The following RNF17 variants were observed in gnomAD, a reference collection of about 807,000 sequenced individuals.
RNF17 encodes the protein ring finger protein 17.
RNF17 carries 31 observed loss-of-function variants against 200.5 expected under a neutral mutation model. That is an observed-to-expected ratio of 0.15 (90% confidence interval 0.12 to 0.21). The LOEUF (loss-of-function observed/expected upper bound fraction) is 0.21, where lower values mean the gene tolerates loss of function less well. RNF17 is among the 10% of genes least tolerant of loss of function. The probability of loss-of-function intolerance (pLI) is 1.00; values close to 1 mark genes in which losing one functional copy is unlikely to be tolerated. For missense variants in RNF17, 1,628 were observed against 1,905.1 expected, an observed-to-expected ratio of 0.85 and a Z score of 2.71; for synonymous variants, 606 against 637.8, an observed-to-expected ratio of 0.95 and a Z score of 0.75.
chr13:24,866,255 AG>A (rs1893614704), intron 30 of RNF17, 52 bp downstream of exon 30: 5 of 942,144 alleles, frequency 5.3e-6, no homozygotes, highest in Non-Finnish European at 6.8e-6. Flanking sequence ...ATTAATAAAA[AG>A]GATCTGATAC....
At chr13:24,821,807 G>T (rs1206312149) in intron 15 of RNF17, among the ~76,000 whole-genome samples, 1 of 151,928 alleles carries the variant, frequency 6.6e-6, no homozygotes, top group East Asian at 1.9e-4. Flanking sequence ...GAGTATTTTT[G>T]ATTTGCATTT....
intron 30 of RNF17, 87 bp downstream of exon 30, chr13:24,866,290 A>C: frequency 2.8e-6 from 2 of 716,142 alleles, no homozygotes; most frequent in Non-Finnish European, 4.8e-6. Context: ...CTCTTTTATA[A>C]CAGTTTTATT....
At chr13:24,874,710 C>T (rs1894673820) in intron 33 of RNF17, among the ~76,000 whole-genome samples, 2 of 152,134 alleles carry the variant, frequency 1.3e-5, no homozygotes, top group South Asian at 4.2e-4. Flanking sequence ...CCACACCTGG[C>T]CCATTTTAGT....
chr13:24,764,515 A>C (rs953356187), intron 1 of RNF17, 182 bp downstream of exon 1: 16 of 462,382 alleles, frequency 3.5e-5, no homozygotes, highest in Admixed American at 6.4e-5. Context: ...TGGGTTGGTT[A>C]AGGGCAGCAC....
intron 27 of RNF17, among the ~76,000 whole-genome samples, chr13:24,862,241 A>G (rs112009038): frequency 0.012 from 1,845 of 152,264 alleles, 51 homozygotes; most frequent in African/African-American, 0.042. Flanking sequence ...TAGTCACCTG[A>G]AGGATCAACT....
the RNF17 span, among the ~76,000 whole-genome samples, chr13:24,753,821 T>A: frequency 6.6e-6 from 1 of 152,060 alleles, no homozygotes; most frequent in South Asian, 2.1e-4. Flanking sequence ...TACAGTGGAG[T>A]ACAGATTCTT....
chr13:24,871,074 G>T (rs1188351662), intron 32 of RNF17, among the ~76,000 whole-genome samples: 1 of 152,176 alleles, frequency 6.6e-6, no homozygotes, highest in East Asian at 1.9e-4. Flanking sequence ...GACCTTAATG[G>T]TCATCATTTA....
chr13:24,781,890 T>G lies in RNF17; in HGVS notation c.557T>G (p.Val186Gly). The change falls in exon 6 of 36, where the codon GTT (valine) becomes GGT (glycine). Residue 186 changes from valine to glycine, a missense_variant. By Grantham distance (109) the Val-to-Gly change is moderately radical. Around this residue, in one of 5 missense-constraint regions of RNF17, gnomAD observed 502 missense variants for 501.7 expected, o/e 1.00. Transcript: ENST00000255324. The part of the protein sequence containing the change: ...QKQTIEERER[V>G]IEVVEKQFDQ... Reference sequence around the variant, plus strand: ...CAAACGATAGAGGAAAGAGAAAGAGTTATAGAAGTTGTGGAGAAACAGTTT... The same window carrying G: ...CAAACGATAGAGGAAAGAGAAAGAGGTATAGAAGTTGTGGAGAAACAGTTT... 6.2e-7 allele frequency: 1 copy of G among 1,613,042 alleles called. No homozygotes were observed. The highest frequency in any genetic ancestry group is 8.5e-7 in the Non-Finnish European group (1 of 1,179,746).
intron 24 of RNF17, 94 bp from the exon 25 acceptor site, chr13:24,853,755 CTTTCAA>C (rs1237169394): frequency 1.2e-6 from 1 of 831,636 alleles, no homozygotes; most frequent in East Asian, 2.9e-5. Context: ...CAAATATTTT[CTTTCAA>C]TTTCATGTAT....
the RNF17 span, among the ~76,000 whole-genome samples, chr13:24,750,011 C>T: frequency 7.6e-4 from 116 of 152,244 alleles, no homozygotes; most frequent in African/African-American, 2.5e-3. Flanking sequence ...CTTGGCCTCC[C>T]GAAGTGCTGG....
chr13:24,852,183 G>C (rs545595096), intron 24 of RNF17, among the ~76,000 whole-genome samples: 77 of 148,618 alleles, frequency 5.2e-4, no homozygotes, highest in Non-Finnish European at 9.6e-4. Context: ...CTGTCACCCA[G>C]GCTGGAGTGC....
rs1332113877 is a variant in RNF17, at chr13:24,831,903, A to G, written c.2407A>G (p.Met803Val). 1 of 1,610,776 alleles carries G rather than the reference A, an allele frequency of 6.2e-7. No homozygotes were observed. The highest frequency in any genetic ancestry group is 1.7e-5 in the Admixed American group (1 of 59,580). Residue 803 changes from methionine to valine, a missense_variant, in exon 18 of 36, where the codon ATG becomes GTG. Physicochemically the swap from Met to Val is conservative, Grantham distance 21. This residue lies in a region of RNF17 where 227 missense variants were observed against 319.8 expected (regional missense o/e 0.71). Transcript: ENST00000255324. The stretch of plus-strand genomic sequence containing the variant: ...CTATATTGAACCATATAAAAGGACA[A>G]TGCAGTGGTCCAAAGAAGCTAAAGA... ...LAYIEPYKRT[M>V]QWSKEAKEKF...
At chr13:24,871,253 T>C (rs1894218290) in intron 32 of RNF17, among the ~76,000 whole-genome samples, 1 of 152,244 alleles carries the variant, frequency 6.6e-6, no homozygotes, top group Admixed American at 6.5e-5. Context: ...TATTGCGGTA[T>C]GTAATGCATA....
intron 15 of RNF17, among the ~76,000 whole-genome samples, chr13:24,825,003 A>G (rs1429650680): frequency 1.3e-5 from 2 of 152,198 alleles, no homozygotes; most frequent in Non-Finnish European, 2.9e-5. Context: ...AATTCAGCAG[A>G]TAGACCTTAC....
At chr13:24,779,593 C>A (rs565373635) in intron 4 of RNF17, 74 bp from the exon 5 acceptor site, 3 of 1,179,980 alleles carry the variant, frequency 2.5e-6, no homozygotes, top group East Asian at 2.4e-5. Context: ...GAATTTTTTG[C>A]AACTATAATA....
chr13:24,799,560 A>G lies in RNF17; in HGVS notation c.1565A>G (p.Asn522Ser). The G allele has an allele frequency of 1.9e-6, 3 of 1,607,140 alleles. No individual in the cohort carries two copies. Among genetic ancestry groups the G allele is most frequent in the Non-Finnish European group, 2.6e-6 (3 of 1,175,202 alleles). ...CAAATATTCATGGTAGATTTTGGAA[A>G]TTCTGAAGTCCTGATTGTCACTGGG... ...LIQIFMVDFG[N>S]SEVLIVTGVV... The change falls in exon 12 of 36, where the codon AAT becomes AGT. Residue 522 changes from asparagine to serine, a missense_variant. Transcript: ENST00000255324.
intron 5 of RNF17, among the ~76,000 whole-genome samples, chr13:24,780,794 A>G (rs1296889679): frequency 6.6e-6 from 1 of 152,124 alleles, no homozygotes; most frequent in Admixed American, 6.5e-5. Context: ...AGGCATGAGA[A>G]TCGCTTGAAC....
rs746647916 is a variant in RNF17 at position 24,778,419 on chromosome 13, T to C, written c.429+13T>C. On this transcript the variant is annotated intron_variant, in intron 4 of 35. Coordinates refer to ENST00000255324, the MANE Select transcript of RNF17 (RefSeq NM_031277.3). ...AGCTGTAATGTTGGTATGAAACATA[T>C]TGGTCATGAAGTACGATGAAGGCAA... 65 of 1,552,236 alleles carry C rather than the reference T, an allele frequency of 4.2e-5. No homozygotes were observed. In the Admixed American group the frequency reaches 1.0e-3, roughly 24 times the overall value.
intron 18 of RNF17, among the ~76,000 whole-genome samples, chr13:24,833,269 C>T (rs981684060): frequency 6.6e-6 from 1 of 152,110 alleles, no homozygotes; most frequent in African/African-American, 2.4e-5. Context: ...AAATGAATTG[C>T]TCAAAGTCAT....
Sources: gnomAD v4.1 joint callset for allele counts (sites outside exome capture counted in the v4.1 genomes callset) on GRCh38, gnomAD v4.1.1 for gene constraint, gnomAD v4.1.1 regional missense constraint, MANE v1.5 for transcripts, NCBI Gene and HGNC (gene_info 2026-07-23, HGNC 2026-07-21) for gene names.